Variants in PSME4 observed in about 807,000 individuals in gnomAD.
PSME4 encodes proteasome activator subunit 4, also known as proteasome activator complex subunit 4.
In PSME4, 89 loss-of-function variants were observed where a neutral mutation model predicts 253.9. The observed-to-expected ratio is 0.35, with a 90% confidence interval of 0.30 to 0.42. The LOEUF is 0.42. Among genes scored for constraint, PSME4 ranks in the 10% least tolerant of loss-of-function variants. The pLI is 1.00. For missense variants in PSME4, 2,014 were observed against 2,195.2 expected (o/e 0.92, Z 1.65); for synonymous variants, 851 against 759.2 (o/e 1.12, Z -1.99).
At chr2:53,946,858 G>A (rs892639322) in intron 3 of PSME4, among the ~76,000 whole-genome samples, 31 of 152,004 alleles carry the variant, frequency 2.0e-4, no homozygotes, top group African/African-American at 6.8e-4. Flanking sequence ...AGGCTGTGGT[G>A]ATGCAAGATC....
At chr2:53,952,122 CT>C (rs1345328508) in intron 1 of PSME4, among the ~76,000 whole-genome samples, 3 of 152,164 alleles carry the variant, frequency 2.0e-5, no homozygotes, top group African/African-American at 7.2e-5. Context: ...CTTTCAGTGG[CT>C]GCTTCAGGCC....
intron 1 of PSME4, among the ~76,000 whole-genome samples, chr2:53,957,086 G>A (rs921360983): frequency 3.3e-5 from 5 of 152,118 alleles, no homozygotes; most frequent in Non-Finnish European, 7.3e-5. Flanking sequence ...GTAAATGAAG[G>A]GGAACAATTA....
chr2:53,948,005 G>A (rs1221037570), intron 3 of PSME4, among the ~76,000 whole-genome samples: 1 of 152,100 alleles, frequency 6.6e-6, no homozygotes, highest in Non-Finnish European at 1.5e-5. Flanking sequence ...GTCAGAGTGA[G>A]ACACCATCTC....
intron 10 of PSME4, among the ~76,000 whole-genome samples, chr2:53,928,536 G>C (rs1042760773): frequency 6.6e-6 from 1 of 152,166 alleles, no homozygotes; most frequent in Non-Finnish European, 1.5e-5. Flanking sequence ...CTGAGAACGA[G>C]AGACCATATT....
At chr2:53,888,953 C>T in intron 37 of PSME4, 141 bp from the exon 38 acceptor site, 3 of 618,010 alleles carry the variant, frequency 4.9e-6, no homozygotes, top group Non-Finnish European at 8.1e-6. Context: ...GGTATGATTG[C>T]CTCCCAGGCT....
intron 1 of PSME4, among the ~76,000 whole-genome samples, chr2:53,966,176 T>G (rs1198435531): frequency 6.6e-6 from 1 of 152,038 alleles, no homozygotes. Context: ...TCCCAGCTAC[T>G]TGGAGGCAGA....
intron 1 of PSME4, among the ~76,000 whole-genome samples, chr2:53,951,171 C>G (rs1232952440): frequency 6.6e-6 from 1 of 152,112 alleles, no homozygotes; most frequent in East Asian, 1.9e-4. Flanking sequence ...CAACCTCTGC[C>G]TCCTGGATTC....
intron 3 of PSME4, among the ~76,000 whole-genome samples, chr2:53,941,730 A>G (rs1219615425): frequency 6.6e-6 from 1 of 152,102 alleles, no homozygotes; most frequent in Non-Finnish European, 1.5e-5. Context: ...TTTAAAAGGT[A>G]ATTCTAAAAT....
chr2:53,957,029 A>C (rs1001889147), intron 1 of PSME4, among the ~76,000 whole-genome samples: 14 of 152,194 alleles, frequency 9.2e-5, no homozygotes, highest in Non-Finnish European at 1.9e-4. Context: ...CTCACAGGCC[A>C]CATCTTTCAG....
intron 41 of PSME4, among the ~76,000 whole-genome samples, chr2:53,877,404 C>G (rs958062960): frequency 2.6e-5 from 4 of 151,336 alleles, no homozygotes; most frequent in African/African-American, 9.7e-5. Context: ...CAGAGTGATA[C>G]CCTGTCTCTT....
intron 4 of PSME4, among the ~76,000 whole-genome samples, chr2:53,939,519 G>C (rs971287967): frequency 1.3e-5 from 2 of 152,012 alleles, no homozygotes; most frequent in Non-Finnish European, 2.9e-5. Flanking sequence ...TGAGGCCAGG[G>C]GTTCAAGACC....
chr2:53,922,693 TAGG>T (rs1668381116), intron 16 of PSME4, 109 bp from the exon 17 acceptor site: 1 of 1,296,364 alleles, frequency 7.7e-7, no homozygotes, highest in Non-Finnish European at 1.0e-6. Flanking sequence ...AAACCTCTTT[TAGG>T]AAGACTTTTT....
At chr2:53,886,423 C>A (rs1236956940) in intron 40 of PSME4, among the ~76,000 whole-genome samples, 3 of 152,142 alleles carry the variant, frequency 2.0e-5, no homozygotes. Flanking sequence ...GATATTTCTC[C>A]AAACAAGAAA....
At position 53,896,878 on chromosome 2, in the gene PSME4, A is replaced by ATAGC; in HGVS notation, c.3610_3613dup (p.Ile1205SerfsTer10). On this transcript the variant is annotated frameshift_variant, in exon 32 of 47. Coordinates refer to ENST00000404125, the MANE Select transcript of PSME4 (RefSeq NM_014614.3). LOFTEE classifies it high-confidence loss of function. ...TTTAAGGATACCAGCAACAGCTGAG[A>ATAGC]TAGCCATCTAGAAAAGGAAAAAGGT... 1 of 1,610,536 alleles carries ATAGC rather than the reference A, an allele frequency of 6.2e-7. No individual in the cohort carries two copies. Among genetic ancestry groups the ATAGC allele is most frequent in the Non-Finnish European group, 8.5e-7 (1 of 1,176,806 alleles).
chr2:53,882,095 A>G (rs1679414353), intron 41 of PSME4, among the ~76,000 whole-genome samples: 1 of 152,028 alleles, frequency 6.6e-6, no homozygotes, highest in Admixed American at 6.6e-5. Context: ...TTTATGGGAT[A>G]GGATAAATAA....
At chr2:53,965,459 A>G (rs1293598024) in intron 1 of PSME4, among the ~76,000 whole-genome samples, 2 of 151,880 alleles carry the variant, frequency 1.3e-5, no homozygotes, top group African/African-American at 4.8e-5. Context: ...CCTGACCTCA[A>G]GTAATCTCAG....
chr2:53,893,202 A>C (rs1481418635), intron 35 of PSME4, among the ~76,000 whole-genome samples: 1 of 151,444 alleles, frequency 6.6e-6, no homozygotes, highest in Non-Finnish European at 1.5e-5. Context: ...CCTCAAAAAA[A>C]GCAACTAAAC....
chr2:53,933,738 G>C (rs919224642), intron 8 of PSME4, among the ~76,000 whole-genome samples: 4 of 152,176 alleles, frequency 2.6e-5, no homozygotes, highest in African/African-American at 9.7e-5. Context: ...TGAGAAAGCA[G>C]AGCAAAATTC....
Position 53,920,302 on chromosome 2 carries a change from C to G in PSME4, c.2311G>C (p.Val771Leu), listed in dbSNP as rs777208929. The G allele has an allele frequency of 1.2e-6, 2 of 1,613,766 alleles. No individual in the cohort carries two copies. Among genetic ancestry groups the G allele is most frequent in the East Asian group, 4.5e-5 (2 of 44,874 alleles). The change falls in exon 19 of 47, where the codon GTT (valine) becomes CTT (leucine). Residue 771 changes from valine to leucine, a missense_variant. Transcript: ENST00000404125. ...AAAGACACTTCTTCTGAAGAAGGAA[C>G]ATGCCACTGGATTCCCAGATTCCAC... ...DLWNLGIQWH[V>L]PSSEEVSFAF... is the part of the protein sequence containing the mutation.
Sources: gnomAD v4.1 joint callset for allele counts (sites outside exome capture counted in the v4.1 genomes callset) on GRCh38, gnomAD v4.1.1 for gene constraint, MANE v1.5 for transcripts, NCBI Gene and HGNC (gene_info 2026-07-23, HGNC 2026-07-21) for gene names.